SMYD3: variants seen among roughly 807,000 people sequenced by gnomAD.
The protein encoded by SMYD3 is SET and MYND domain containing 3, also known as histone-lysine N-methyltransferase SMYD3.
SMYD3 carries 36 observed loss-of-function variants against 57.7 expected under a neutral mutation model. The observed-to-expected ratio is 0.62, with a 90% CI of 0.48 to 0.82. The LOEUF (loss-of-function observed/expected upper bound fraction) is 0.82, where lower values mean the gene tolerates loss of function less well. Ranked by LOEUF, SMYD3 falls within the 40% of genes least tolerant of loss-of-function variation. SMYD3 has a pLI of 0.00. For missense variants in SMYD3, 515 were observed against 538.8 expected (o/e 0.96, Z 0.44); for synonymous variants, 211 against 195.0 (o/e 1.08, Z -0.68).
chr1:246,307,575 A>G (rs938187016), intron 5 of SMYD3, among the ~76,000 whole-genome samples: 8 of 151,352 alleles, frequency 5.3e-5, no homozygotes, highest in Non-Finnish European at 1.0e-4. Context: ...GCCCGCCACC[A>G]CGCCCGGCTA....
At chr1:246,090,525 T>TC (rs1184852775) in intron 5 of SMYD3, among the ~76,000 whole-genome samples, 3 of 147,136 alleles carry the variant, frequency 2.0e-5, no homozygotes, top group Non-Finnish European at 4.6e-5. Context: ...TCTCTCTCTT[T>TC]TTTTTTTTTT....
intron 5 of SMYD3, among the ~76,000 whole-genome samples, chr1:246,303,391 T>C (rs1356584892): frequency 6.6e-6 from 1 of 152,184 alleles, no homozygotes; most frequent in African/African-American, 2.4e-5. Flanking sequence ...CCCCTGTGGA[T>C]ACCAAAATCC....
At chr1:246,485,570 C>A (rs893759084) in intron 1 of SMYD3, among the ~76,000 whole-genome samples, 2 of 151,940 alleles carry the variant, frequency 1.3e-5, no homozygotes, top group Non-Finnish European at 2.9e-5. Flanking sequence ...TCACTTGAGG[C>A]CAGGTGTTCA....
chr1:245,833,013 C>T (rs1241486429), intron 10 of SMYD3, among the ~76,000 whole-genome samples: 1 of 138,714 alleles, frequency 7.2e-6, no homozygotes, highest in Non-Finnish European at 1.5e-5. Flanking sequence ...CATTCCTAGA[C>T]ATTTGGCAAT....
intron 5 of SMYD3, among the ~76,000 whole-genome samples, chr1:246,080,936 T>C (rs1572991521): frequency 6.6e-6 from 1 of 152,308 alleles, no homozygotes; most frequent in South Asian, 2.1e-4. Flanking sequence ...AACAGCTCGT[T>C]TATGGAATGC....
intron 5 of SMYD3, among the ~76,000 whole-genome samples, chr1:246,015,428 T>C (rs529189097): frequency 6.6e-6 from 1 of 152,306 alleles, no homozygotes; most frequent in East Asian, 1.9e-4. Flanking sequence ...TTTTAAAAAA[T>C]GTTTAACTGA....
intron 1 of SMYD3, 61 bp downstream of exon 1, chr1:246,506,993 C>CCCCCCCCCCCCCCCCCCCCCA: frequency 2.3e-6 from 2 of 884,056 alleles, no homozygotes; most frequent in Non-Finnish European, 1.5e-6. Context: ...CCCGACGCCC[C>CCCCCCCCCCCCCCCCCCCCCA]CCCCTCCCCA....
chr1:246,213,772 C>A (rs1304416172), intron 5 of SMYD3, among the ~76,000 whole-genome samples: 2 of 152,182 alleles, frequency 1.3e-5, no homozygotes, highest in Non-Finnish European at 1.5e-5. Flanking sequence ...GGCCATCGGC[C>A]ATTGAGTAAA....
chr1:245,974,397 C>T (rs1228109876), intron 5 of SMYD3, among the ~76,000 whole-genome samples: 2 of 152,212 alleles, frequency 1.3e-5, no homozygotes, highest in Non-Finnish European at 2.9e-5. Flanking sequence ...CATGACAATT[C>T]TGACCCCAGA....
In SMYD3 at chr1:245,954,235, G is replaced by T. The variant is rs114221236; in HGVS notation, c.532-24298C>A. On this transcript the variant is annotated intron_variant, in intron 5 of 11. Transcript: ENST00000490107. ...CATTGTTACTCTTTCTCAGACAAGC[G>T]TTTTAAAGATGCTAGTTAAAATGTA... Among the ~76,000 whole-genome samples, 737 of 152,280 alleles carry T rather than the reference G, an allele frequency of 4.8e-3. 3 individuals carry two copies. Among genetic ancestry groups the T allele is most frequent in the Admixed American group, 0.012 (179 of 15,300 alleles).
intron 5 of SMYD3, among the ~76,000 whole-genome samples, chr1:246,105,836 C>A (rs747291262): frequency 6.6e-6 from 1 of 152,150 alleles, no homozygotes; most frequent in South Asian, 2.1e-4. Flanking sequence ...GAAATTCAAA[C>A]CCTCTATTTT....
At chr1:246,476,909 G>A (rs772734881) in intron 1 of SMYD3, among the ~76,000 whole-genome samples, 5 of 152,060 alleles carry the variant, frequency 3.3e-5, no homozygotes, top group African/African-American at 9.7e-5. Flanking sequence ...TATCAAATAC[G>A]TCACAAAAAC....
intron 5 of SMYD3, among the ~76,000 whole-genome samples, chr1:246,201,740 C>T (rs1355401951): frequency 2.6e-5 from 4 of 152,178 alleles, no homozygotes; most frequent in African/African-American, 4.8e-5. Flanking sequence ...AGGCCAGGCG[C>T]GGTGGCTCAC....
At chr1:246,171,952 A>C (rs1207360403) in intron 5 of SMYD3, among the ~76,000 whole-genome samples, 1 of 152,242 alleles carries the variant, frequency 6.6e-6, no homozygotes, top group Admixed American at 6.5e-5. Context: ...TCGAGGCTAC[A>C]GTGAGCCAAG....
At chr1:245,936,750 C>T (rs1326635166) in intron 5 of SMYD3, among the ~76,000 whole-genome samples, 1 of 79,420 alleles carries the variant, frequency 1.3e-5, no homozygotes, top group Non-Finnish European at 2.5e-5. Flanking sequence ...CAAAAATTAG[C>T]TGGGCATGAT....
At chr1:246,169,642 C>T (rs999846498) in intron 5 of SMYD3, among the ~76,000 whole-genome samples, 4 of 152,046 alleles carry the variant, frequency 2.6e-5, no homozygotes, top group Non-Finnish European at 4.4e-5. Flanking sequence ...GGTGCGGTGG[C>T]TCGGGCCTGT....
intron 5 of SMYD3, among the ~76,000 whole-genome samples, chr1:246,159,587 T>C (rs2062081060): frequency 6.6e-6 from 1 of 152,028 alleles, no homozygotes; most frequent in Admixed American, 6.6e-5. Flanking sequence ...TGAAACTCTG[T>C]TAGCAGGAAG....
At chr1:246,279,212 AAGCTACAATGTAAGATTGTTG>A (rs2064394485) in intron 5 of SMYD3, among the ~76,000 whole-genome samples, 1 of 152,212 alleles carries the variant, frequency 6.6e-6, no homozygotes, top group African/African-American at 2.4e-5. Flanking sequence ...AGAGCCACTT[AAGCTACAATGTAAGATTGTTG>A]AGACCAGCCG....
intron 5 of SMYD3, among the ~76,000 whole-genome samples, chr1:245,985,539 C>A (rs1287616331): frequency 6.6e-6 from 1 of 152,116 alleles, no homozygotes; most frequent in East Asian, 1.9e-4. Context: ...CAAGCACAAT[C>A]ACAGTTCAGA....
Sources: allele counts gnomAD v4.1 joint callset (sites outside exome capture counted in the v4.1 genomes callset), GRCh38; gene constraint gnomAD v4.1.1; transcripts MANE v1.5; gene names NCBI Gene and HGNC (gene_info 2026-07-23, HGNC 2026-07-21).